The following PTPRD variants were observed in gnomAD, a reference collection of about 807,000 sequenced individuals.
The protein encoded by PTPRD is protein tyrosine phosphatase receptor type D, also known as receptor-type tyrosine-protein phosphatase delta.
In PTPRD, 34 loss-of-function variants were observed where a neutral mutation model predicts 214.5. The observed-to-expected ratio is 0.16, with a 90% CI of 0.12 to 0.21. The LOEUF (loss-of-function observed/expected upper bound fraction) is 0.21, where lower values mean the gene tolerates loss of function less well. Ranked by LOEUF, PTPRD falls within the 10% of genes least tolerant of loss-of-function variation. The pLI, the probability that PTPRD is intolerant of heterozygous loss-of-function variation, is 1.00. For missense variants in PTPRD, 2,545 were observed against 2,398.7 expected, an observed-to-expected ratio of 1.06 and a Z score of -1.27; for synonymous variants, 1,128 against 845.7, an observed-to-expected ratio of 1.33 and a Z score of -5.79.
chr9:9,991,049 C>T (rs1033145562), intron 4 of PTPRD, among the ~76,000 whole-genome samples: 1 of 151,768 alleles, frequency 6.6e-6, no homozygotes, highest in Non-Finnish European at 1.5e-5. Flanking sequence ...ATTCTCCGGC[C>T]TCAGCCTCCT....
At chr9:8,853,397 T>G (rs923677171) in intron 11 of PTPRD, among the ~76,000 whole-genome samples, 2 of 152,054 alleles carry the variant, frequency 1.3e-5, no homozygotes, top group Non-Finnish European at 2.9e-5. Flanking sequence ...TTGTGGAGAG[T>G]TGAAATCCAT....
At chr9:10,599,126 T>C (rs541009503) in intron 2 of PTPRD, among the ~76,000 whole-genome samples, 1 of 151,846 alleles carries the variant, frequency 6.6e-6, no homozygotes, top group South Asian at 2.1e-4. Flanking sequence ...GATTTCAATT[T>C]AGTCCATGAT....
chr9:10,558,774 A>T (rs2063186478), intron 2 of PTPRD, among the ~76,000 whole-genome samples: 1 of 152,146 alleles, frequency 6.6e-6, no homozygotes, highest in African/African-American at 2.4e-5. Flanking sequence ...GAATGGATTC[A>T]CTCAATGAGA....
At chr9:8,826,414 C>T (rs566263232) in intron 11 of PTPRD, among the ~76,000 whole-genome samples, 3 of 152,250 alleles carry the variant, frequency 2.0e-5, no homozygotes, top group African/African-American at 7.2e-5. Context: ...GCCATCAGAC[C>T]TCCTGACCAT....
At chr9:8,817,418 C>G in intron 11 of PTPRD, among the ~76,000 whole-genome samples, 1 of 152,100 alleles carries the variant, frequency 6.6e-6, no homozygotes, top group African/African-American at 2.4e-5. Flanking sequence ...AAAACACACC[C>G]AGCCTGGACA....
intron 2 of PTPRD, among the ~76,000 whole-genome samples, chr9:10,467,673 T>G (rs1316846248): frequency 6.6e-6 from 1 of 152,206 alleles, no homozygotes; most frequent in African/African-American, 2.4e-5. Flanking sequence ...ATGGATGATA[T>G]ATATGTGTGT....
chr9:9,224,198 G>A (rs1423489094), intron 9 of PTPRD, among the ~76,000 whole-genome samples: 1 of 151,928 alleles, frequency 6.6e-6, no homozygotes, highest in Non-Finnish European at 1.5e-5. Context: ...ACACAGAACT[G>A]GTGATAGACT....
At chr9:8,636,997 C>CT (rs1329999689) in intron 12 of PTPRD, among the ~76,000 whole-genome samples, 153 bp from the exon 13 acceptor site, 1 of 152,088 alleles carries the variant, frequency 6.6e-6, no homozygotes, top group Non-Finnish European at 1.5e-5. Context: ...AGAAAAGCAT[C>CT]TTTTACTTTT....
intron 9 of PTPRD, among the ~76,000 whole-genome samples, chr9:9,237,997 A>G (rs533659599): frequency 5.8e-4 from 88 of 152,160 alleles, no homozygotes; most frequent in African/African-American, 2.1e-3. Context: ...TAAATCCTTG[A>G]TATGTTCCCC....
intron 11 of PTPRD, among the ~76,000 whole-genome samples, chr9:8,970,583 A>G (rs931480222): frequency 6.6e-6 from 1 of 151,818 alleles, no homozygotes; most frequent in Non-Finnish European, 1.5e-5. Flanking sequence ...ATAAGCTATT[A>G]AAAAAGACAT....
chr9:10,388,559 AATTTAT>A lies in PTPRD; in HGVS notation c.-599-47548_-599-47543del, dbSNP rs1170277001. Reference sequence around the variant, plus strand: ...CTAATAAACACATGCATTTTGAAGTAATTTATATTTATAGTTAGAAATTAAAATATT... The same window carrying A: ...CTAATAAACACATGCATTTTGAAGTAATTTATAGTTAGAAATTAAAATATT... On this transcript the variant is annotated intron_variant, in intron 2 of 45. Coordinates refer to ENST00000381196, the MANE Select transcript of PTPRD (RefSeq NM_002839.4). Among the ~76,000 whole-genome samples the A allele has an allele frequency of 7.2e-5, 11 of 151,778 alleles. No homozygotes were observed. In the South Asian group the frequency reaches 1.7e-3, roughly 23 times the overall value.
At chr9:9,344,375 C>T (rs1266100906) in intron 9 of PTPRD, among the ~76,000 whole-genome samples, 1 of 151,902 alleles carries the variant, frequency 6.6e-6, no homozygotes, top group Non-Finnish European at 1.5e-5. Flanking sequence ...ATACCTAATG[C>T]ATGCGGGGCT....
chr9:9,088,751 T>C (rs1485101155), intron 10 of PTPRD, among the ~76,000 whole-genome samples: 1 of 151,986 alleles, frequency 6.6e-6, no homozygotes, highest in Non-Finnish European at 1.5e-5. Flanking sequence ...GTTTTCTTAG[T>C]ATTTGTGGAG....
intron 5 of PTPRD, among the ~76,000 whole-genome samples, chr9:9,817,501 G>C (rs1310019979): frequency 6.6e-6 from 1 of 152,102 alleles, no homozygotes; most frequent in Admixed American, 6.6e-5. Context: ...TATGTCTTTA[G>C]AGGCCAAATC....
chr9:10,264,422 C>T (rs1327235753), intron 3 of PTPRD, among the ~76,000 whole-genome samples: 1 of 152,158 alleles, frequency 6.6e-6, no homozygotes, highest in Admixed American at 6.5e-5. Context: ...CTTGCATCAG[C>T]ATTACTTGGA....
At chr9:9,669,719 T>C (rs1192378459) in intron 7 of PTPRD, among the ~76,000 whole-genome samples, 1 of 152,172 alleles carries the variant, frequency 6.6e-6, no homozygotes, top group Non-Finnish European at 1.5e-5. Flanking sequence ...AATAACTTCA[T>C]TGTTCTTCAA....
intron 3 of PTPRD, among the ~76,000 whole-genome samples, chr9:10,237,354 A>T (rs73641891): frequency 6.6e-6 from 1 of 151,846 alleles, no homozygotes; most frequent in South Asian, 2.1e-4. Flanking sequence ...TGCTGAATTA[A>T]TATCTTTATT....
chr9:9,578,045 CAAAAAAAAAAA>C (rs34128512), intron 7 of PTPRD, among the ~76,000 whole-genome samples: 3 of 102,422 alleles, frequency 2.9e-5, no homozygotes, highest in African/African-American at 7.7e-5. Context: ...GACTCTGTCT[CAAAAAAAAAAA>C]AAAAAAAAAA....
At chr9:8,551,121 G>T (rs1300870192) in intron 14 of PTPRD, among the ~76,000 whole-genome samples, 1 of 152,160 alleles carries the variant, frequency 6.6e-6, no homozygotes, top group South Asian at 2.1e-4. Context: ...TTCCCTTGGA[G>T]TATTTTATCT....
Sources: allele counts gnomAD v4.1 joint callset (sites outside exome capture counted in the v4.1 genomes callset), GRCh38; gene constraint gnomAD v4.1.1; transcripts MANE v1.5; gene names NCBI Gene and HGNC (gene_info 2026-07-23, HGNC 2026-07-21).